Variants in TMEM132D observed in about 807,000 individuals in gnomAD.
TMEM132D encodes the protein transmembrane protein 132D.
A neutral mutation model predicts 62.3 loss-of-function variants in TMEM132D; 21 were observed. The observed-to-expected ratio is 0.34, with a 90% CI of 0.24 to 0.49. The LOEUF (loss-of-function observed/expected upper bound fraction) is 0.49. Among genes scored for constraint, TMEM132D ranks in the 20% least tolerant of loss-of-function variants. TMEM132D has a pLI of 0.99. For missense variants in TMEM132D, 1,346 were observed against 1,402.8 expected (o/e 0.96, Z 0.65); for synonymous variants, 621 against 575.6 (o/e 1.08, Z -1.13).
rs548373582 is a variant in TMEM132D, at chr12:129,209,230, C to T, written c.1443+290G>A. ...AGGGTAAGCGGGTCCCTGCCTCCCA[C>T]GACAATCTCCCTGGGGATCTGGGAA... On this transcript the variant is annotated intron_variant, in intron 5 of 8. Coordinates refer to ENST00000422113, the MANE Select transcript of TMEM132D (RefSeq NM_133448.3). Among the ~76,000 whole-genome samples, 15 of 152,292 alleles carry T rather than the reference C, an allele frequency of 9.8e-5. No homozygotes were observed. The East Asian group carries it at 1.4e-3, about 14-fold the overall frequency.
chr12:129,169,166 G>A (rs147288320), intron 5 of TMEM132D, among the ~76,000 whole-genome samples: 1 of 152,040 alleles, frequency 6.6e-6, no homozygotes, highest in Non-Finnish European at 1.5e-5. Context: ...TGATTTTGTA[G>A]GTCTGTGGTG....
chr12:129,313,147 G>T (rs997877485), intron 4 of TMEM132D, among the ~76,000 whole-genome samples: 27 of 150,192 alleles, frequency 1.8e-4, no homozygotes, highest in African/African-American at 6.7e-4. Context: ...AAGAGTTTCA[G>T]ACAAGAGACA....
intron 7 of TMEM132D, among the ~76,000 whole-genome samples, chr12:129,081,011 C>T (rs1369046697): frequency 6.6e-6 from 1 of 152,126 alleles, no homozygotes; most frequent in Non-Finnish European, 1.5e-5. Flanking sequence ...ATCAGGCCCG[C>T]GGCTGTGACT....
At chr12:129,177,978 G>A (rs193043357) in intron 5 of TMEM132D, among the ~76,000 whole-genome samples, 20 of 152,110 alleles carry the variant, frequency 1.3e-4, no homozygotes, top group African/African-American at 4.8e-4. Flanking sequence ...TGTGTCCATG[G>A]GCTCTCATCA....
intron 2 of TMEM132D, among the ~76,000 whole-genome samples, chr12:129,646,951 A>C (rs1282132735): frequency 6.6e-6 from 1 of 151,780 alleles, no homozygotes; most frequent in Non-Finnish European, 1.5e-5. Context: ...AGGTGTCGCC[A>C]CCACGCTTGG....
At chr12:129,571,318 C>A (rs1877506571) in intron 2 of TMEM132D, among the ~76,000 whole-genome samples, 1 of 152,166 alleles carries the variant, frequency 6.6e-6, no homozygotes, top group Admixed American at 6.5e-5. Flanking sequence ...ATAATCCCAG[C>A]ACTTTGGGAG....
chr12:129,468,437 G>A (rs145518661), intron 3 of TMEM132D, among the ~76,000 whole-genome samples: 6 of 152,256 alleles, frequency 3.9e-5, no homozygotes, highest in South Asian at 2.1e-4. Context: ...CCTGAAAGAC[G>A]TGGATGCAAA....
chr12:129,129,299 C>A lies in TMEM132D; in HGVS notation c.1444-44597G>T, dbSNP rs180922297. On this transcript the variant is annotated intron_variant, in intron 5 of 8. Transcript: ENST00000422113. ...GGATAATGGCTTCCAGCTGCATCCACATTGCTGCAAAGGACATGATGATTT... is the reference window on the plus strand; with the variant it reads ...GGATAATGGCTTCCAGCTGCATCCAAATTGCTGCAAAGGACATGATGATTT... Among the ~76,000 whole-genome samples the A allele has an allele frequency of 2.8e-4, 42 of 152,110 alleles. No homozygotes were observed. The East Asian group carries it at 8.0e-3, about 29-fold the overall frequency.
intron 5 of TMEM132D, among the ~76,000 whole-genome samples, chr12:129,094,926 G>T (rs557997573): frequency 2.9e-4 from 43 of 149,410 alleles, no homozygotes; most frequent in African/African-American, 1.1e-3. Flanking sequence ...GCAAACTATC[G>T]CAAGGACAAA....
intron 5 of TMEM132D, among the ~76,000 whole-genome samples, chr12:129,117,020 T>C (rs1875914886): frequency 6.6e-6 from 1 of 150,814 alleles, no homozygotes; most frequent in Non-Finnish European, 1.5e-5. Context: ...TATCCTTTAG[T>C]AGGTGAATGG....
chr12:129,697,522 A>G (rs1238969976), intron 2 of TMEM132D, among the ~76,000 whole-genome samples: 1 of 152,212 alleles, frequency 6.6e-6, no homozygotes, highest in Non-Finnish European at 1.5e-5. Flanking sequence ...ACAGTGTAGC[A>G]TCGTACCGAG....
chr12:129,745,321 C>T (rs1428256922), intron 1 of TMEM132D, among the ~76,000 whole-genome samples: 3 of 152,186 alleles, frequency 2.0e-5, no homozygotes, highest in Non-Finnish European at 4.4e-5. Flanking sequence ...AGAATATTTG[C>T]TTGTGGCAGT....
At chr12:129,752,579 T>C (rs529773368) in intron 1 of TMEM132D, among the ~76,000 whole-genome samples, 4 of 152,368 alleles carry the variant, frequency 2.6e-5, no homozygotes, top group Admixed American at 1.3e-4. Context: ...TGATAATCTA[T>C]GCTTCGATTA....
At chr12:129,401,955 A>G (rs886816105) in intron 3 of TMEM132D, among the ~76,000 whole-genome samples, 3 of 152,156 alleles carry the variant, frequency 2.0e-5, no homozygotes, top group African/African-American at 7.2e-5. Context: ...CTCTGTGACA[A>G]TGAGTGGCTG....
At chr12:129,296,709 G>A (rs1002276912) in intron 4 of TMEM132D, among the ~76,000 whole-genome samples, 4 of 152,206 alleles carry the variant, frequency 2.6e-5, no homozygotes, top group Admixed American at 2.6e-4. Flanking sequence ...CTCAGTCTGT[G>A]TTTCCTGGAA....
chr12:129,221,421 C>A (rs1322578908), intron 4 of TMEM132D, among the ~76,000 whole-genome samples: 14 of 152,194 alleles, frequency 9.2e-5, no homozygotes, highest in Non-Finnish European at 4.4e-5. Flanking sequence ...TAATACACAA[C>A]ACTTTCCAAA....
At chr12:129,642,490 C>T (rs1285084582) in intron 2 of TMEM132D, among the ~76,000 whole-genome samples, 1 of 152,186 alleles carries the variant, frequency 6.6e-6, no homozygotes, top group African/African-American at 2.4e-5. Context: ...ACTCCTGACT[C>T]CTGGATGCAG....
intron 1 of TMEM132D, among the ~76,000 whole-genome samples, chr12:129,786,465 A>G (rs758114666): frequency 4.6e-5 from 7 of 152,226 alleles, no homozygotes; most frequent in African/African-American, 1.7e-4. Context: ...GGGAACTGTA[A>G]TTAATCAGCT....
chr12:129,385,439 T>A (rs1437344979), intron 3 of TMEM132D, among the ~76,000 whole-genome samples: 1 of 152,094 alleles, frequency 6.6e-6, no homozygotes, highest in South Asian at 2.1e-4. Flanking sequence ...GGATTATACA[T>A]TTACTAGGAC....
Sources: allele counts gnomAD v4.1 joint callset (sites outside exome capture counted in the v4.1 genomes callset), GRCh38; gene constraint gnomAD v4.1.1; transcripts MANE v1.5; gene names NCBI Gene and HGNC (gene_info 2026-07-23, HGNC 2026-07-21).